ANKRD52: variants seen among roughly 807,000 people sequenced by gnomAD.
ANKRD52 encodes serine/threonine-protein phosphatase 6 regulatory ankyrin repeat subunit C.
A neutral mutation model predicts 116.0 loss-of-function variants in ANKRD52; 7 were observed. The observed-to-expected ratio is 0.06, with a 90% CI of 0.03 to 0.11. The LOEUF is 0.11. ANKRD52 is among the 10% of genes least tolerant of loss of function. ANKRD52 has a pLI of 1.00. For missense variants in ANKRD52, 839 were observed against 1,408.6 expected (o/e 0.60, Z 6.47); for synonymous variants, 528 against 578.1 (o/e 0.91, Z 1.24).
At position 56,247,591 on chromosome 12, in the gene ANKRD52, T is replaced by G. The variant is rs1236656609; in HGVS notation, c.2086A>C (p.Ile696Leu). 6.3e-7 allele frequency: 1 copy of G among 1,593,386 alleles called. No homozygotes were observed. The highest frequency in any genetic ancestry group is 1.7e-4 in the Middle Eastern group (1 of 6,034). The change falls in exon 20 of 28, where the codon ATC (isoleucine) becomes CTC (leucine). Residue 696 changes from isoleucine (I) to leucine (L), a missense_variant. Around this residue, in one of 2 missense-constraint regions of ANKRD52, gnomAD observed 552 missense variants for 810.6 expected, o/e 0.68. Coordinates refer to ENST00000267116, the MANE Select transcript of ANKRD52 (RefSeq NM_173595.4). ...ACACAGTCCACATGGCCATTCATGA[T>G]GGCCAGCATCAGTGGGGTCCTACAG... ...AYGQTPLMLA[I>L]MNGHVDCVHL...
chr12:56,243,134 G>A lies in ANKRD52; in HGVS notation c.*8C>T, dbSNP rs1260382790. 6.3e-7 allele frequency: 1 copy of A among 1,583,278 alleles called. No homozygotes were observed. The highest frequency in any genetic ancestry group is 8.6e-7 in the Non-Finnish European group (1 of 1,162,320). On this transcript the variant is annotated 3_prime_UTR_variant, in exon 28 of 28. Coordinates refer to ENST00000267116, the MANE Select transcript of ANKRD52 (RefSeq NM_173595.4). The surrounding 1 kb of genome is among the most constrained non-coding windows in gnomAD (Gnocchi z 4.6). ...AAGCCACCGGCGGGGGAGGGACACT[G>A]GAGGGGGCTACTCAGAGTAGCAGCC... is the stretch of plus-strand genomic sequence containing the variant.
Position 56,252,056 on chromosome 12 carries a change from C to T in ANKRD52, c.1551G>A (p.Glu517=), listed in dbSNP as rs372618413. The change falls in exon 15 of 28, where the codon GAG becomes GAA. Residue 517 remains glutamate, a synonymous_variant. Coordinates refer to ENST00000267116, the MANE Select transcript of ANKRD52 (RefSeq NM_173595.4). This position sits in a 1 kb window ranked among gnomAD's most constrained non-coding sequence, Gnocchi z 4.7. ...PHTPSSHDAE[E]DEPLKESRRK... is the part of the protein sequence containing the mutation. The stretch of plus-strand genomic sequence containing the variant: ...TGCGGGACTCCTTCAGTGGCTCGTC[C>T]TCTTCGGCATCATGGCTGGAAGGTG... The T allele has an allele frequency of 1.9e-5, 30 of 1,613,868 alleles. No homozygotes were observed. The African/African-American group carries it at 3.5e-4, about 19-fold the overall frequency.
chr12:56,242,425 G>T lies in ANKRD52; in HGVS notation c.*717C>A. 1 of 362,724 alleles carries T rather than the reference G, an allele frequency of 2.8e-6. No individual in the cohort carries two copies. The highest frequency in any genetic ancestry group is 4.9e-6 in the Non-Finnish European group (1 of 203,570). The allele number at this position is 362,724 out of a possible 1,614,324, so 22.5% of individuals were successfully genotyped here. ...GCCAGGCTAGGAGTGGGAGGGAATG[G>T]GGAGGGGGCAGGCTGTGGGGGCAGA... is the stretch of plus-strand genomic sequence containing the variant. On this transcript the variant is annotated 3_prime_UTR_variant, in exon 28 of 28. Coordinates refer to ENST00000267116, the MANE Select transcript of ANKRD52 (RefSeq NM_173595.4). This position sits in a 1 kb window ranked among gnomAD's most constrained non-coding sequence, Gnocchi z 4.3.
rs1183447769 is a variant in ANKRD52, at chr12:56,252,743, C to A, written c.1301+37G>T. 1 of 1,602,596 alleles carries A rather than the reference C, an allele frequency of 6.2e-7. No individual in the cohort carries two copies. Among genetic ancestry groups the A allele is most frequent in the South Asian group, 1.1e-5 (1 of 90,750 alleles). ...GAGGGGCCCAGACCTTTGCCCAGCT[C>A]CCTGCTCAAAGCATGGGAGAGAGAA... On this transcript the variant is annotated intron_variant, in intron 12 of 27. Coordinates refer to ENST00000267116, the MANE Select transcript of ANKRD52 (RefSeq NM_173595.4). This position sits in a 1 kb window ranked among gnomAD's most constrained non-coding sequence, Gnocchi z 4.7.
In ANKRD52 at chr12:56,253,034, A is replaced by G; in HGVS notation, c.1153T>C (p.Ser385Pro). ...PLHLAVLFGF[S>P]DCCRKLLSSG... is the part of the protein sequence containing the mutation. ...GAAAGAAGCTTACGACAACAGTCAG[A>G]GAATCCAAAGAGAACAGCTAAGTGC... is the stretch of plus-strand genomic sequence containing the variant. The change falls in exon 11 of 28, where the codon TCT becomes CCT. Residue 385 changes from serine (S) to proline (P), a missense_variant. This residue lies in a region of ANKRD52 where 287 missense variants were observed against 598.1 expected (regional missense o/e 0.48). Transcript: ENST00000267116. This position sits in a 1 kb window ranked among gnomAD's most constrained non-coding sequence, Gnocchi z 5.5. 14 of 1,586,622 alleles carry G rather than the reference A, an allele frequency of 8.8e-6. No homozygotes were observed. Among genetic ancestry groups the G allele is most frequent in the Non-Finnish European group, 1.2e-5 (14 of 1,166,632 alleles).
rs1165668153 is a variant in ANKRD52 at position 56,252,729 on chromosome 12, A to G, written c.1301+51T>C. The G allele has an allele frequency of 1.9e-6, 3 of 1,587,582 alleles. No individual in the cohort carries two copies. The highest frequency in any genetic ancestry group is 2.6e-6 in the Non-Finnish European group (3 of 1,158,234). ...GGGCAGGCAAGAATGAGGGGCCCAG[A>G]CCTTTGCCCAGCTCCCTGCTCAAAG... On this transcript the variant is annotated intron_variant, in intron 12 of 27. Transcript: ENST00000267116. The surrounding 1 kb of genome is among the most constrained non-coding windows in gnomAD (Gnocchi z 4.7).
chr12:56,244,921 C>T lies in ANKRD52; in HGVS notation c.2561G>A (p.Arg854Gln), dbSNP rs1424185582. The change falls in exon 23 of 28, where the codon CGA becomes CAA. Residue 854 changes from arginine to glutamine, a missense_variant. Transcript: ENST00000267116. The surrounding 1 kb of genome is among the most constrained non-coding windows in gnomAD (Gnocchi z 4.9). ...CATCACTCACCGTCCTTTGGCATCTCGGCTGTTCACAATCTTGGCACCCAG... is the reference window on the plus strand; with the variant it reads ...CATCACTCACCGTCCTTTGGCATCTTGGCTGTTCACAATCTTGGCACCCAG... ...GALGAKIVNS[R>Q]DAKGRTPLHA... 6.2e-6 allele frequency: 10 copies of T among 1,613,846 alleles called. No individual in the cohort carries two copies. Among genetic ancestry groups the T allele is most frequent in the Admixed American group, 1.7e-5 (1 of 60,004 alleles).
intron 15 of ANKRD52, among the ~76,000 whole-genome samples, chr12:56,250,476 G>C (rs1440557530): frequency 6.6e-6 from 1 of 151,112 alleles, no homozygotes; most frequent in African/African-American, 2.4e-5. Context: ...TCCTGGGTTT[G>C]CATGATCCTC....
At chr12:56,245,703 C>T (rs1871365320) in intron 20 of ANKRD52, 107 bp from the exon 21 acceptor site, 14 of 770,558 alleles carry the variant, frequency 1.8e-5, no homozygotes, top group South Asian at 6.5e-5. Flanking sequence ...GGCTCCAATC[C>T]TTGTCTTTTT....
chr12:56,243,385 G>C lies in ANKRD52; in HGVS notation c.2988C>G (p.Thr996=). 1 of 1,613,754 alleles carries C rather than the reference G, an allele frequency of 6.2e-7. No homozygotes were observed. Among genetic ancestry groups the C allele is most frequent in the Non-Finnish European group, 8.5e-7 (1 of 1,179,778 alleles). Residue 996 remains threonine (T), a synonymous_variant, in exon 28 of 28, where the codon ACC becomes ACG. Transcript: ENST00000267116. The surrounding 1 kb of genome is among the most constrained non-coding windows in gnomAD (Gnocchi z 4.6). ...TGTTGGGGGCACAGGCCAGTGCTGG[G>C]GTGTGACCTGCAGGGCCAAGGGGGA... is the stretch of plus-strand genomic sequence containing the variant. ...TVLAVDEEGH[T]PALACAPNKD...
Position 56,254,442 on chromosome 12 carries a change from T to A in ANKRD52, c.693+136A>T. On this transcript the variant is annotated intron_variant, in intron 7 of 27. Coordinates refer to ENST00000267116, the MANE Select transcript of ANKRD52 (RefSeq NM_173595.4). This position sits in a 1 kb window ranked among gnomAD's most constrained non-coding sequence, Gnocchi z 4.6. Reference sequence around the variant, plus strand: ...AGGGCACTATGGCTAAGGTAAGCATTATTCAGACCCTCTCTACCACGTCCT... The same window carrying A: ...AGGGCACTATGGCTAAGGTAAGCATAATTCAGACCCTCTCTACCACGTCCT... The A allele has an allele frequency of 6.8e-7, 1 of 1,461,126 alleles. No homozygotes were observed. Among genetic ancestry groups the A allele is most frequent in the Non-Finnish European group, 9.2e-7 (1 of 1,085,408 alleles). 90.5% of individuals were successfully genotyped at this position (1,461,126 alleles called of 1,614,324 possible). A position where few individuals can be genotyped will look rare whatever the true frequency, so the allele number is the denominator to read the frequency against.
intron 4 of ANKRD52, among the ~76,000 whole-genome samples, 197 bp downstream of exon 4, chr12:56,256,818 G>C (rs1565613190): frequency 6.6e-6 from 1 of 152,176 alleles, no homozygotes; most frequent in Non-Finnish European, 1.5e-5. Context: ...AGCTCTTCCT[G>C]AGTCACATCA....
Position 56,252,995 on chromosome 12 carries a change from A to C in ANKRD52, c.1183+9T>G. On this transcript the variant is annotated intron_variant, in intron 11 of 27. Coordinates refer to ENST00000267116, the MANE Select transcript of ANKRD52 (RefSeq NM_173595.4). This position sits in a 1 kb window ranked among gnomAD's most constrained non-coding sequence, Gnocchi z 4.7. Reference sequence around the variant, plus strand: ...TACACCTGCCAATCCCCAGCCCATCAGCACATACCTGAGGAAAGAAGCTTA... The same window carrying C: ...TACACCTGCCAATCCCCAGCCCATCCGCACATACCTGAGGAAAGAAGCTTA... The C allele has an allele frequency of 6.3e-7, 1 of 1,585,344 alleles. No individual in the cohort carries two copies. The highest frequency in any genetic ancestry group is 2.3e-5 in the East Asian group (1 of 43,454).
In ANKRD52 at chr12:56,244,090, T is replaced by A; in HGVS notation, c.2849A>T (p.Asp950Val). Residue 950 changes from aspartate to valine, a missense_variant, in exon 26 of 28, where the codon GAC becomes GTC. Around this residue, in one of 2 missense-constraint regions of ANKRD52, gnomAD observed 552 missense variants for 810.6 expected, o/e 0.68. Transcript: ENST00000267116. The surrounding 1 kb of genome is among the most constrained non-coding windows in gnomAD (Gnocchi z 4.9). Reference sequence around the variant, plus strand: ...GTTGGTAGCATTGATAAGGCCAAGGTCTTGGGTTTCTGCCAGGATCATGAG... The same window carrying A: ...GTTGGTAGCATTGATAAGGCCAAGGACTTGGGTTTCTGCCAGGATCATGAG... ...CALMILAETQ[D>V]LGLINATNSA... 6.2e-7 allele frequency: 1 copy of A among 1,613,862 alleles called. No homozygotes were observed. The highest frequency in any genetic ancestry group is 8.5e-7 in the Non-Finnish European group (1 of 1,179,852).
In ANKRD52 at chr12:56,244,214, G is replaced by A; in HGVS notation, c.2806-81C>T. 1 of 1,559,754 alleles carries A rather than the reference G, an allele frequency of 6.4e-7. No individual in the cohort carries two copies. The highest frequency in any genetic ancestry group is 8.8e-7 in the Non-Finnish European group (1 of 1,132,168). On this transcript the variant is annotated intron_variant, in intron 25 of 27. Coordinates refer to ENST00000267116, the MANE Select transcript of ANKRD52 (RefSeq NM_173595.4). The surrounding 1 kb of genome is among the most constrained non-coding windows in gnomAD (Gnocchi z 4.9). ...AGGGCAGGAGTTGGGGAGAGTAACAGGAGGACAAACAGCTGCCCAACCAGT... is the reference window on the plus strand; with the variant it reads ...AGGGCAGGAGTTGGGGAGAGTAACAAGAGGACAAACAGCTGCCCAACCAGT...
rs1871193872 is a variant in ANKRD52, at chr12:56,242,135, TGGC to T, written c.*1004_*1006del. On this transcript the variant is annotated 3_prime_UTR_variant, in exon 28 of 28. Transcript: ENST00000267116. This position sits in a 1 kb window ranked among gnomAD's most constrained non-coding sequence, Gnocchi z 4.3. ...AGGGAGCACAGATAAACTATGGGCT[TGGC>T]GGCACAGGAGGAAGAACATGGTCCC... 1 of 398,726 alleles carries T rather than the reference TGGC, an allele frequency of 2.5e-6. No homozygotes were observed. Among genetic ancestry groups the T allele is most frequent in the Non-Finnish European group, 4.4e-6 (1 of 226,158 alleles). 24.7% of individuals were successfully genotyped at this position (398,726 alleles called of 1,614,324 possible).
Position 56,248,715 on chromosome 12 carries a change from C to T in ANKRD52, c.1704+44G>A. On this transcript the variant is annotated intron_variant, in intron 16 of 27. Transcript: ENST00000267116. This position sits in a 1 kb window ranked among gnomAD's most constrained non-coding sequence, Gnocchi z 5.1. ...GTTTTGGAATCCACAAACCCTGTGC[C>T]CTGCCCCTGCCTCCCCTCCTGCAGG... 6.5e-7 allele frequency: 1 copy of T among 1,549,514 alleles called. No individual in the cohort carries two copies. Among genetic ancestry groups the T allele is most frequent in the Non-Finnish European group, 8.8e-7 (1 of 1,135,444 alleles).
Position 56,254,053 on chromosome 12 carries a change from A to G in ANKRD52, c.906+14T>C. On this transcript the variant is annotated intron_variant, in intron 8 of 27. Transcript: ENST00000267116. This position sits in a 1 kb window ranked among gnomAD's most constrained non-coding sequence, Gnocchi z 4.6. Reference sequence around the variant, plus strand: ...TTCGCTCCCCACTGGTCTAAGCCTTATCCCTTCAGGCACCTGGTAGTTGAC... The same window carrying G: ...TTCGCTCCCCACTGGTCTAAGCCTTGTCCCTTCAGGCACCTGGTAGTTGAC... 6.2e-7 allele frequency: 1 copy of G among 1,611,470 alleles called. No individual in the cohort carries two copies. The highest frequency in any genetic ancestry group is 8.5e-7 in the Non-Finnish European group (1 of 1,177,782).
Position 56,257,983 on chromosome 12 carries a change from G to T in ANKRD52, c.28-72C>A, listed in dbSNP as rs1219955459. 5 of 1,121,984 alleles carry T rather than the reference G, an allele frequency of 4.5e-6. No homozygotes were observed. The East Asian group carries it at 1.4e-4, about 30-fold the overall frequency. 69.5% of individuals were successfully genotyped at this position (1,121,984 alleles called of 1,614,324 possible). ...AACCGGTGTGGGGGTGGGGGTGGGG[G>T]AGCACCTAGGTTTGAGTGGGGGGCG... is the stretch of plus-strand genomic sequence containing the variant. On this transcript the variant is annotated intron_variant, in intron 1 of 27. Coordinates refer to ENST00000267116, the MANE Select transcript of ANKRD52 (RefSeq NM_173595.4).
Sources: gnomAD v4.1 joint callset for allele counts (sites outside exome capture counted in the v4.1 genomes callset) on GRCh38, gnomAD v4.1.1 for gene constraint, gnomAD v4.1.1 regional missense constraint, Gnocchi (gnomAD v3.1) non-coding constraint, MANE v1.5 for transcripts, NCBI Gene and HGNC (gene_info 2026-07-23, HGNC 2026-07-21) for gene names.